ZNF160: variants seen among roughly 807,000 people sequenced by gnomAD.
ZNF160 encodes KRAB zinc finger protein KR18.
In ZNF160, 9 loss-of-function variants were observed where a neutral mutation model predicts 13.1. The observed-to-expected ratio is 0.69, with a 90% CI of 0.41 to 1.20. The LOEUF is 1.20. Among genes scored for constraint, ZNF160 ranks in the 50% most tolerant of loss-of-function variants. ZNF160 has a pLI of 0.01. For synonymous variants in ZNF160, 293 were observed against 333.2 expected (o/e 0.88, Z 1.31); for missense variants, 838 against 988.0 (o/e 0.85, Z 2.04).
intron 3 of ZNF160, 53 bp downstream of exon 3, chr19:53,086,209 C>G: frequency 6.5e-7 from 1 of 1,541,476 alleles, no homozygotes; most frequent in Non-Finnish European, 8.8e-7. Context: ...AATGCCAATG[C>G]CAGGCATTTC....
rs573381755 is a variant in ZNF160 at position 53,088,520 on chromosome 19, A to T, written c.-45-2199T>A. Among the ~76,000 whole-genome samples, 1,080 of 144,370 alleles carry T rather than the reference A, an allele frequency of 7.5e-3. 13 individuals carry two copies. Among genetic ancestry groups the T allele is most frequent in the African/African-American group, 0.025 (1,009 of 39,912 alleles). 94.7% of individuals were successfully genotyped at this position (144,370 alleles called of 152,430 possible). On this transcript the variant is annotated intron_variant, in intron 2 of 5. Transcript: ENST00000683776. ...AGATCCTGTCTCTATATTTTTATTT[A>T]AAAAAAAAAAAAGAATTGAAGACAA...
At position 53,068,380 on chromosome 19, in the gene ZNF160, TGA is replaced by T. The variant is rs1489952410; in HGVS notation, c.2152_2153del (p.Ser718LysfsTer18). ...GGATTGCCTGATGGGTGGTTAGGCT[TGA>T]ACGAACACTGAAGGCTTTCCCACAC... is the stretch of plus-strand genomic sequence containing the variant. Reference protein sequence around the residue: ...NECGKAFSVRSSLTTHQAIHT... With the variant: ...NECGKAFSVRXSLTTHQAIHT... On this transcript the variant is annotated frameshift_variant, in exon 6 of 6. Coordinates refer to ENST00000683776, the MANE Select transcript of ZNF160 (RefSeq NM_001322131.2). LOFTEE classifies it low-confidence loss of function (END_TRUNC). The T allele has an allele frequency of 6.2e-7, 1 of 1,614,150 alleles. No individual in the cohort carries two copies. Among genetic ancestry groups the T allele is most frequent in the Admixed American group, 1.7e-5 (1 of 60,022 alleles).
intron 2 of ZNF160, chr19:53,090,907 A>G (rs1328914158): frequency 1.3e-5 from 2 of 152,308 alleles, no homozygotes; most frequent in Non-Finnish European, 2.9e-5. Context: ...AGGAAATGGC[A>G]TGAAAGCTCT....
chr19:53,100,030 T>C (rs1308293019), intron 1 of ZNF160, among the ~76,000 whole-genome samples: 1 of 152,150 alleles, frequency 6.6e-6, no homozygotes, highest in Non-Finnish European at 1.5e-5. Context: ...AACATTTAAT[T>C]CCTCTTTTCC....
chr19:53,068,064 G>T lies in ZNF160; in HGVS notation c.*13C>A. On this transcript the variant is annotated 3_prime_UTR_variant, in exon 6 of 6. Transcript: ENST00000683776. ...GTGAAAGGAGTGAATTGTACCTAAT[G>T]ACCTCACCACACTCATTTGTAAGGT... 1.3e-6 allele frequency: 2 copies of T among 1,583,102 alleles called. No homozygotes were observed. The highest frequency in any genetic ancestry group is 2.4e-5 in the South Asian group (2 of 84,886).
At position 53,102,740 on chromosome 19, in the gene ZNF160, G is replaced by C. The variant is rs556825066; in HGVS notation, c.-354+525C>G. On this transcript the variant is annotated intron_variant, in intron 1 of 5. Coordinates refer to ENST00000683776, the MANE Select transcript of ZNF160 (RefSeq NM_001322131.2). ...GGGCCACACATTCACTGGAGGGTTTGTAGTAAGATGTCTGCATGTTGGAGG... is the reference window on the plus strand; with the variant it reads ...GGGCCACACATTCACTGGAGGGTTTCTAGTAAGATGTCTGCATGTTGGAGG... Among the ~76,000 whole-genome samples the C allele has an allele frequency of 6.6e-5, 10 of 152,264 alleles. No homozygotes were observed. The East Asian group carries it at 1.7e-3, about 26-fold the overall frequency.
At position 53,068,076 on chromosome 19, in the gene ZNF160, C is replaced by A; in HGVS notation, c.*1G>T. Reference sequence around the variant, plus strand: ...AATTGTACCTAATGACCTCACCACACTCATTTGTAAGGTTTCTCTCCGGTA... The same window carrying A: ...AATTGTACCTAATGACCTCACCACAATCATTTGTAAGGTTTCTCTCCGGTA... On this transcript the variant is annotated 3_prime_UTR_variant, in exon 6 of 6. Transcript: ENST00000683776. The A allele has an allele frequency of 6.3e-7, 1 of 1,595,636 alleles. No individual in the cohort carries two copies. The highest frequency in any genetic ancestry group is 8.5e-7 in the Non-Finnish European group (1 of 1,170,192).
intron 3 of ZNF160, among the ~76,000 whole-genome samples, chr19:53,084,315 C>T (rs1323727260): frequency 1.3e-5 from 2 of 152,218 alleles, no homozygotes; most frequent in African/African-American, 2.4e-5. Context: ...TTTAAAAGCG[C>T]CTGCTTTCTG....
rs75696757 is a variant in ZNF160, at chr19:53,068,411, T to C, written c.2123A>G (p.Asn708Ser). 33 of 1,613,958 alleles carry C rather than the reference T, an allele frequency of 2.0e-5. No individual in the cohort carries two copies. Among genetic ancestry groups the C allele is most frequent in the African/African-American group, 1.3e-4 (10 of 74,978 alleles). The change falls in exon 6 of 6, where the codon AAT (asparagine) becomes AGT (serine). Residue 708 changes from asparagine (N) to serine (S), a missense_variant. By Grantham distance (46) the Asn-to-Ser change is conservative. Around this residue, in one of 3 missense-constraint regions of ZNF160, gnomAD observed 400 missense variants for 538.9 expected, o/e 0.74. Transcript: ENST00000683776. ...AACACTGAAGGCTTTCCCACACTCA[T>C]TGCATCGGTAAGGTTTCTCTCCGGT... is the stretch of plus-strand genomic sequence containing the variant. ...THTGEKPYRC[N>S]ECGKAFSVRS...
intron 3 of ZNF160, among the ~76,000 whole-genome samples, chr19:53,078,112 C>T (rs1053373065): frequency 6.6e-6 from 1 of 152,028 alleles, no homozygotes; most frequent in Non-Finnish European, 1.5e-5. Context: ...TGGTGGTGGG[C>T]ACCTGTAATC....
intron 5 of ZNF160, 36 bp downstream of exon 5, chr19:53,074,104 A>G (rs1417876426): frequency 6.2e-7 from 1 of 1,602,444 alleles, no homozygotes; most frequent in Admixed American, 1.7e-5. Flanking sequence ...ACTCTAGTTA[A>G]TGAGTGGCCT....
intron 2 of ZNF160, among the ~76,000 whole-genome samples, chr19:53,090,844 C>T (rs889904157): frequency 7.9e-5 from 12 of 152,242 alleles, no homozygotes; most frequent in East Asian, 1.9e-4. Flanking sequence ...ATGCACCTCG[C>T]GGGTGAGGAC....
At position 53,074,973 on chromosome 19, in the gene ZNF160, G is replaced by A. The variant is rs1271061429; in HGVS notation, c.142+84C>T. ...AGGACTTCAATCTCAGTCAAGCAATGCAGGGGCTCTCCAGGGACTCGTAAG... is the reference window on the plus strand; with the variant it reads ...AGGACTTCAATCTCAGTCAAGCAATACAGGGGCTCTCCAGGGACTCGTAAG... On this transcript the variant is annotated intron_variant, in intron 4 of 5. Coordinates refer to ENST00000683776, the MANE Select transcript of ZNF160 (RefSeq NM_001322131.2). 1.0e-5 allele frequency: 16 copies of A among 1,585,246 alleles called. No homozygotes were observed. In the Admixed American group the frequency reaches 2.7e-4, roughly 27 times the overall value.
chr19:53,072,311 G>C (rs80040534), intron 5 of ZNF160, among the ~76,000 whole-genome samples: 2 of 151,906 alleles, frequency 1.3e-5, no homozygotes, highest in African/African-American at 2.4e-5. Flanking sequence ...CATGTTGGTC[G>C]GGCCGGTCTC....
intron 3 of ZNF160, among the ~76,000 whole-genome samples, chr19:53,082,568 G>GAGTAA (rs1031989788): frequency 3.9e-4 from 59 of 152,268 alleles, no homozygotes; most frequent in African/African-American, 1.3e-3. Context: ...TACTCCAGAG[G>GAGTAA]CTAAGGTGGG....
In ZNF160 at chr19:53,096,764, C is replaced by T. The variant is rs2085254119; in HGVS notation, c.-353-5044G>A. On this transcript the variant is annotated intron_variant, in intron 1 of 5. Coordinates refer to ENST00000683776, the MANE Select transcript of ZNF160 (RefSeq NM_001322131.2). ...GAGAGAGACAAACAGACCAACCCGT[C>T]CTCTCCCTCAATCACCCGCCTGGGG... 1.6e-5 allele frequency among the ~76,000 whole-genome samples: 2 copies of T among 127,668 alleles called. 1 individual carries two copies. The highest frequency in any genetic ancestry group is 1.5e-4 in the Admixed American group (2 of 13,068). The allele number at this position is 127,668 out of a possible 152,430, so 83.8% of individuals were successfully genotyped here.
chr19:53,074,842 G>T (rs902880738), intron 4 of ZNF160, among the ~76,000 whole-genome samples: 2 of 152,038 alleles, frequency 1.3e-5, no homozygotes, highest in Admixed American at 6.6e-5. Context: ...GCATACAAAA[G>T]CTCTGAAACC....
intron 3 of ZNF160, among the ~76,000 whole-genome samples, chr19:53,080,915 C>T (rs2084606680): frequency 6.6e-6 from 1 of 152,020 alleles, no homozygotes. Context: ...AAAATAAAGG[C>T]CCACACCTCC....
intron 3 of ZNF160, among the ~76,000 whole-genome samples, chr19:53,083,397 G>C (rs2084707927): frequency 6.6e-6 from 1 of 152,176 alleles, no homozygotes; most frequent in African/African-American, 2.4e-5. Flanking sequence ...ATAGATTTTA[G>C]GAGCTGTATA....
Sources: allele counts gnomAD v4.1 joint callset (sites outside exome capture counted in the v4.1 genomes callset), GRCh38; gene constraint gnomAD v4.1.1; regional missense constraint gnomAD v4.1.1; transcripts MANE v1.5; gene names NCBI Gene and HGNC (gene_info 2026-07-23, HGNC 2026-07-21).